SLC24A3: variants seen among roughly 807,000 people sequenced by gnomAD.
SLC24A3 encodes solute carrier family 24 member 3, also known as sodium/potassium/calcium exchanger 3.
SLC24A3 carries 28 observed loss-of-function variants against 75.8 expected under a neutral mutation model. That is an observed-to-expected ratio of 0.37 (90% CI 0.27 to 0.51). The LOEUF (loss-of-function observed/expected upper bound fraction) is 0.51. Ranked by LOEUF, SLC24A3 falls within the 20% of genes least tolerant of loss-of-function variation. SLC24A3 has a pLI of 0.94. For missense variants in SLC24A3, 663 were observed against 847.8 expected (o/e 0.78, Z 2.71); for synonymous variants, 372 against 334.1 (o/e 1.11, Z -1.24).
chr20:19,279,682 T>C (rs6112287), intron 1 of SLC24A3, among the ~76,000 whole-genome samples: 102,215 of 152,038 alleles, frequency 0.67, 35,074 homozygotes, highest in East Asian at 0.97. Context: ...CCCATTCATA[T>C]ATGTGCCTCC....
chr20:19,591,684 T>C (rs1398978788), intron 6 of SLC24A3, among the ~76,000 whole-genome samples: 3 of 152,166 alleles, frequency 2.0e-5, no homozygotes, highest in Non-Finnish European at 4.4e-5. Context: ...GAACCAATCA[T>C]TGTGGCAAAG....
At chr20:19,321,610 C>G (rs935302514) in intron 2 of SLC24A3, among the ~76,000 whole-genome samples, 1 of 152,154 alleles carries the variant, frequency 6.6e-6, no homozygotes, top group Non-Finnish European at 1.5e-5. Context: ...TATCTTATGT[C>G]TTAGGTCTCT....
At chr20:19,582,054 G>A (rs916277945) in intron 4 of SLC24A3, among the ~76,000 whole-genome samples, 8 of 152,180 alleles carry the variant, frequency 5.3e-5, no homozygotes, top group African/African-American at 1.9e-4. Flanking sequence ...CTTAATTGCT[G>A]GGGAAACATT....
chr20:19,347,016 A>G (rs572381430), intron 2 of SLC24A3, among the ~76,000 whole-genome samples: 6 of 152,324 alleles, frequency 3.9e-5, no homozygotes, highest in African/African-American at 1.4e-4. Context: ...CAGACATACA[A>G]TGGAATGTTA....
intron 2 of SLC24A3, among the ~76,000 whole-genome samples, chr20:19,324,753 GTT>G (rs1389366689): frequency 6.6e-6 from 1 of 152,184 alleles, no homozygotes. Flanking sequence ...TTCCCAAAGA[GTT>G]TAACACAATC....
intron 2 of SLC24A3, among the ~76,000 whole-genome samples, chr20:19,317,162 A>G (rs1600425908): frequency 6.6e-6 from 1 of 152,218 alleles, no homozygotes; most frequent in East Asian, 1.9e-4. Context: ...CATGTACAAA[A>G]ATCAATTCCA....
chr20:19,248,072 T>C (rs1458668853), intron 1 of SLC24A3, among the ~76,000 whole-genome samples: 1 of 152,256 alleles, frequency 6.6e-6, no homozygotes, highest in Non-Finnish European at 1.5e-5. Flanking sequence ...TTGTTGTTTC[T>C]TATTTTTCAG....
Position 19,346,216 on chromosome 20 carries a change from GTATA to G in SLC24A3, c.271+65131_271+65134del, listed in dbSNP as rs373651313. 6.1e-5 allele frequency among the ~76,000 whole-genome samples: 5 copies of G among 81,998 alleles called. 1 individual carries two copies. The highest frequency in any genetic ancestry group is 1.1e-4 in the African/African-American group (2 of 18,864). The allele number at this position is 81,998 out of a possible 152,430, so 53.8% of individuals were successfully genotyped here. A position where few individuals can be genotyped will look rare whatever the true frequency, so the allele number is the denominator to read the frequency against. On this transcript the variant is annotated intron_variant, in intron 2 of 16. Coordinates refer to ENST00000328041, the MANE Select transcript of SLC24A3 (RefSeq NM_020689.4). ...TATATATATGGTATATATATATGGT[GTATA>G]TGTATATATGGTATATATATATGGT...
chr20:19,524,290 T>A (rs2030157017), intron 3 of SLC24A3, among the ~76,000 whole-genome samples: 1 of 152,200 alleles, frequency 6.6e-6, no homozygotes, highest in Non-Finnish European at 1.5e-5. Flanking sequence ...ATTATTATTA[T>A]GCAAAACCCA....
At chr20:19,691,755 A>G (rs534998886) in intron 12 of SLC24A3, among the ~76,000 whole-genome samples, 1 of 152,284 alleles carries the variant, frequency 6.6e-6, no homozygotes, top group Admixed American at 6.5e-5. Flanking sequence ...TTTGACAGGA[A>G]CGACTTGTGA....
intron 2 of SLC24A3, among the ~76,000 whole-genome samples, chr20:19,375,125 T>C (rs1986060446): frequency 6.6e-6 from 1 of 152,096 alleles, no homozygotes; most frequent in South Asian, 2.1e-4. Flanking sequence ...CACAGATCAA[T>C]CACCTGTACT....
chr20:19,339,154 C>T (rs1476071283), intron 2 of SLC24A3, among the ~76,000 whole-genome samples: 1 of 152,118 alleles, frequency 6.6e-6, no homozygotes, highest in African/African-American at 2.4e-5. Flanking sequence ...TCCAGAGCTT[C>T]CTTTTATACC....
intron 3 of SLC24A3, among the ~76,000 whole-genome samples, chr20:19,523,245 G>A (rs908601998): frequency 2.6e-5 from 4 of 152,162 alleles, no homozygotes; most frequent in Non-Finnish European, 5.9e-5. Flanking sequence ...TGAAATTTGA[G>A]GGGACCTGCA....
At chr20:19,637,307 CA>C (rs909330733) in intron 6 of SLC24A3, among the ~76,000 whole-genome samples, 1 of 152,088 alleles carries the variant, frequency 6.6e-6, no homozygotes, top group Non-Finnish European at 1.5e-5. Context: ...TCTCAAAACA[CA>C]AAAAATTGTT....
chr20:19,292,368 A>G (rs1983961678), intron 2 of SLC24A3, among the ~76,000 whole-genome samples: 2 of 152,166 alleles, frequency 1.3e-5, no homozygotes, highest in South Asian at 4.1e-4. Context: ...GGAGTTTTCT[A>G]CTATGGGAGG....
intron 6 of SLC24A3, among the ~76,000 whole-genome samples, chr20:19,628,503 T>C (rs912512385): frequency 3.9e-5 from 6 of 152,162 alleles, no homozygotes; most frequent in African/African-American, 1.4e-4. Context: ...TTACCTACTA[T>C]ATCCCATCCT....
intron 3 of SLC24A3, among the ~76,000 whole-genome samples, chr20:19,561,056 G>A (rs756213059): frequency 2.6e-5 from 4 of 152,166 alleles, no homozygotes; most frequent in Non-Finnish European, 5.9e-5. Flanking sequence ...CCTGTAAGCC[G>A]TCTACATTCC....
intron 4 of SLC24A3, among the ~76,000 whole-genome samples, chr20:19,584,598 G>A (rs1481611480): frequency 2.0e-5 from 3 of 152,204 alleles, no homozygotes; most frequent in Non-Finnish European, 4.4e-5. Flanking sequence ...ACCGCCTGCT[G>A]TGGCCTCCCA....
chr20:19,684,358 A>C, intron 11 of SLC24A3, 22 bp downstream of exon 11: 2 of 1,607,184 alleles, frequency 1.2e-6, no homozygotes, highest in Non-Finnish European at 1.7e-6. Flanking sequence ...AGCACTGTCC[A>C]CTGCCCACTG....
Sources: gnomAD v4.1 joint callset for allele counts (sites outside exome capture counted in the v4.1 genomes callset) on GRCh38, gnomAD v4.1.1 for gene constraint, MANE v1.5 for transcripts, NCBI Gene and HGNC (gene_info 2026-07-23, HGNC 2026-07-21) for gene names.